The following COL4A5 variants were observed in gnomAD, a reference collection of about 807,000 sequenced individuals.
COL4A5 encodes collagen alpha-5(IV) chain.
A neutral mutation model predicts 130.2 loss-of-function variants in COL4A5; 26 were observed. The ratio of observed to expected loss-of-function variants is 0.20; its 90% CI spans 0.15 to 0.28. The LOEUF (loss-of-function observed/expected upper bound fraction) is 0.28. Among genes scored for constraint, COL4A5 ranks in the 10% least tolerant of loss-of-function variants. The pLI, the probability that COL4A5 is intolerant of heterozygous loss-of-function variation, is 1.00. For synonymous variants in COL4A5, 496 were observed against 439.6 expected, an observed-to-expected ratio of 1.13 and a Z score of -1.60; for missense variants, 1,131 against 1,344.3, an observed-to-expected ratio of 0.84 and a Z score of 2.48.
chrX:108,695,053 A>T (rs1484331940), intron 51 of COL4A5, 132 bp downstream of exon 51: 2 of 660,340 alleles, frequency 3.0e-6, no homozygotes, highest in African/African-American at 4.3e-5. Flanking sequence ...CTATCCAAGC[A>T]CTGTGTTCCC....
chrX:108,689,229 A>T, intron 49 of COL4A5: 2 of 270,775 alleles, frequency 7.4e-6, no homozygotes, highest in Non-Finnish European at 1.0e-5. Flanking sequence ...AAATATCTAA[A>T]TAATTAATTT....
At chrX:108,670,864 A>G (rs2068190078) in intron 42 of COL4A5, among the ~76,000 whole-genome samples, 1 of 110,998 alleles carries the variant, frequency 9.0e-6, no homozygotes, top group Non-Finnish European at 1.9e-5. Context: ...CAATATAGTG[A>G]AACCCCATCT....
intron 1 of COL4A5, among the ~76,000 whole-genome samples, chrX:108,501,968 TTTC>T (rs199899734): frequency 1.9e-5 from 2 of 105,659 alleles, no homozygotes; most frequent in African/African-American, 8.1e-5. Flanking sequence ...CACTTCTGCT[TTTC>T]TTTTTTTCTT....
chrX:108,553,748 G>A (rs925260308), intron 2 of COL4A5, among the ~76,000 whole-genome samples: 18 of 111,868 alleles, frequency 1.6e-4, no homozygotes, highest in Admixed American at 2.8e-4. Flanking sequence ...ACATCAAAGC[G>A]TATGCCTATA....
At chrX:108,547,073 AG>A (rs777012492) in intron 2 of COL4A5, among the ~76,000 whole-genome samples, 3 of 112,156 alleles carry the variant, frequency 2.7e-5, no homozygotes, top group African/African-American at 9.7e-5. Flanking sequence ...TTTAGCTCAA[AG>A]AAGTTTGATC....
chrX:108,499,781 C>T (rs933570320), intron 1 of COL4A5, among the ~76,000 whole-genome samples: 1 of 111,519 alleles, frequency 9.0e-6, no homozygotes, highest in Admixed American at 9.5e-5. Flanking sequence ...CTTTTTTTCT[C>T]AAACATACGT....
intron 2 of COL4A5, among the ~76,000 whole-genome samples, chrX:108,547,972 G>T (rs937216420): frequency 6.3e-5 from 7 of 111,960 alleles, no homozygotes; most frequent in South Asian, 3.8e-4. Context: ...GCAGTATTAG[G>T]GTGGGAGTGA....
intron 8 of COL4A5, 120 bp downstream of exon 8, chrX:108,571,957 G>A (rs1305032485): frequency 3.4e-6 from 2 of 586,303 alleles, no homozygotes; most frequent in East Asian, 3.4e-5. Flanking sequence ...AGTTGTGCAG[G>A]TGTAAACTTA....
chrX:108,480,882 C>T (rs1356633446), intron 1 of COL4A5, among the ~76,000 whole-genome samples: 1 of 112,315 alleles, frequency 8.9e-6, no homozygotes, highest in Non-Finnish European at 1.9e-5. Context: ...CTAATCTCTG[C>T]AATCTCTCCA....
intron 1 of COL4A5, among the ~76,000 whole-genome samples, chrX:108,530,901 C>T (rs2065375999): frequency 1.9e-5 from 2 of 105,020 alleles, no homozygotes; most frequent in Non-Finnish European, 1.9e-5. Context: ...TATAAAGACA[C>T]ATGCACACGT....
At position 108,452,038 on chromosome X, in the gene COL4A5, C is replaced by A. The variant is rs771105126; in HGVS notation, c.81+11832C>A. 1.9e-3 allele frequency among the ~76,000 whole-genome samples: 208 copies of A among 112,149 alleles called. 1 individual carries two copies. Among genetic ancestry groups the A allele is most frequent in the African/African-American group, 6.6e-3 (205 of 30,916 alleles). ...GAAGGGATCCAGTTTCAGCTTTCTA[C>A]ATATAGCCAGCCAGTTTTCCCAGCA... is the stretch of plus-strand genomic sequence containing the variant. On this transcript the variant is annotated intron_variant, in intron 1 of 52. Transcript: ENST00000328300.
Position 108,609,964 on chromosome X carries a change from A to G in COL4A5, c.2395+3072A>G, listed in dbSNP as rs56760052. On this transcript the variant is annotated intron_variant, in intron 29 of 52. Transcript: ENST00000328300. Reference sequence around the variant, plus strand: ...TCAGGTAATGTAACCCACCAACTTTATTCTTAAAAAAAAAAAAAACACATT... The same window carrying G: ...TCAGGTAATGTAACCCACCAACTTTGTTCTTAAAAAAAAAAAAAACACATT... Among the ~76,000 whole-genome samples the G allele has an allele frequency of 0.1, 11,106 of 106,668 alleles. 1,286 individuals carry two copies. The highest frequency in any genetic ancestry group is 0.34 in the African/African-American group (9,817 of 28,986). The allele number at this position is 106,668 out of a possible 115,157, so 92.6% of individuals were successfully genotyped here. A position where few individuals can be genotyped will look rare whatever the true frequency, so the allele number is the denominator to read the frequency against.
rs575310725 is a variant in COL4A5 at position 108,685,943 on chromosome X, C to T, written c.4217-88C>T. On this transcript the variant is annotated intron_variant, in intron 47 of 52. Coordinates refer to ENST00000328300, the MANE Select transcript of COL4A5 (RefSeq NM_033380.3). ...TTAAGACAAAACCAAATTGTGAATT[C>T]AGTGTCTCGAGAACCTTATGTCTCC... The T allele has an allele frequency of 9.8e-4, 753 of 768,302 alleles. 6 individuals carry two copies. In the South Asian group the frequency reaches 0.016, roughly 16 times the overall value. 63.3% of individuals were successfully genotyped at this position (768,302 alleles called of 1,213,427 possible).
At chrX:108,565,847 T>G (rs2065959457) in intron 4 of COL4A5, among the ~76,000 whole-genome samples, 1 of 111,871 alleles carries the variant, frequency 8.9e-6, no homozygotes, top group Non-Finnish European at 1.9e-5. Flanking sequence ...ACTGTACGCT[T>G]AAGATTAGTA....
intron 1 of COL4A5, among the ~76,000 whole-genome samples, chrX:108,452,096 G>C (rs746036527): frequency 8.9e-6 from 1 of 111,899 alleles, no homozygotes. Context: ...TTTCCCCATT[G>C]CTTGTTTTTC....
chrX:108,690,381 T>C (rs934798382), intron 49 of COL4A5, among the ~76,000 whole-genome samples: 13 of 111,709 alleles, frequency 1.2e-4, no homozygotes, highest in Non-Finnish European at 2.3e-4. Flanking sequence ...CTAGGGAATT[T>C]TTTAAGACTC....
intron 1 of COL4A5, among the ~76,000 whole-genome samples, chrX:108,458,824 C>CA (rs2064610920): frequency 9.0e-6 from 1 of 111,054 alleles, no homozygotes; most frequent in South Asian, 3.8e-4. Flanking sequence ...ACTAAAAATA[C>CA]AAAAAATTAG....
At chrX:108,493,824 G>A (rs1411722104) in intron 1 of COL4A5, among the ~76,000 whole-genome samples, 1 of 105,791 alleles carries the variant, frequency 9.5e-6, no homozygotes, top group Admixed American at 1.0e-4. Context: ...AAAAAAAAAC[G>A]GATGTAGCTA....
chrX:108,692,074 T>C (rs1415567429), intron 49 of COL4A5, among the ~76,000 whole-genome samples: 1 of 111,937 alleles, frequency 8.9e-6, no homozygotes, highest in African/African-American at 3.2e-5. Context: ...TTCAAAAGTG[T>C]AAGAGAGTGC....
Sources: allele counts gnomAD v4.1 joint callset (sites outside exome capture counted in the v4.1 genomes callset), GRCh38; gene constraint gnomAD v4.1.1; transcripts MANE v1.5; gene names NCBI Gene and HGNC (gene_info 2026-07-23, HGNC 2026-07-21).